PDZRN4: variants seen among roughly 807,000 people sequenced by gnomAD.
The protein encoded by PDZRN4 is PDZ domain-containing RING finger protein 4.
In PDZRN4, 70 loss-of-function variants were observed where a neutral mutation model predicts 99.0. The observed-to-expected ratio is 0.71, with a 90% confidence interval of 0.58 to 0.86. The LOEUF (loss-of-function observed/expected upper bound fraction) is 0.86, where lower values mean the gene tolerates loss of function less well. Ranked by LOEUF, PDZRN4 falls within the 40% of genes least tolerant of loss-of-function variation. The probability of loss-of-function intolerance (pLI) is 0.00; values close to 1 mark genes in which losing one functional copy is unlikely to be tolerated. For synonymous variants in PDZRN4, 551 were observed against 501.6 expected (o/e 1.10, Z -1.32); for missense variants, 1,474 against 1,331.2 (o/e 1.11, Z -1.67).
Position 41,306,131 on chromosome 12 carries a change from G to T in PDZRN4, c.843+111943G>T, listed in dbSNP as rs535887510. Among the ~76,000 whole-genome samples the T allele has an allele frequency of 5.6e-4, 85 of 152,262 alleles. 1 individual carries two copies. The highest frequency in any genetic ancestry group is 1.9e-3 in the African/African-American group (78 of 41,560). The stretch of plus-strand genomic sequence containing the variant: ...TCCTAAGGATTGAGAACAATCATTG[G>T]TTTAATACTCAACCCTCCAGGCCCA... On this transcript the variant is annotated intron_variant, in intron 3 of 9. Transcript: ENST00000402685.
chr12:41,390,117 C>T (rs147038020), intron 3 of PDZRN4, among the ~76,000 whole-genome samples: 30 of 152,010 alleles, frequency 2.0e-4, no homozygotes, highest in African/African-American at 6.8e-4. Context: ...AGTTGAGGGC[C>T]GTGATAATTT....
At chr12:41,217,195 T>C (rs771717613) in intron 3 of PDZRN4, among the ~76,000 whole-genome samples, 6 of 152,072 alleles carry the variant, frequency 3.9e-5, no homozygotes, top group Admixed American at 6.6e-5. Context: ...GCTCCTGAAG[T>C]AGAGGCCAAT....
At chr12:41,219,441 G>C (rs1050856250) in intron 3 of PDZRN4, among the ~76,000 whole-genome samples, 11 of 151,952 alleles carry the variant, frequency 7.2e-5, no homozygotes, top group Admixed American at 7.2e-4. Context: ...GGAGATGAAG[G>C]AGAAAGAATA....
chr12:41,513,173 CA>C (rs1349543825), intron 5 of PDZRN4, among the ~76,000 whole-genome samples: 3 of 152,028 alleles, frequency 2.0e-5, no homozygotes, highest in Non-Finnish European at 4.4e-5. Flanking sequence ...GGACTTTTAA[CA>C]CACATATTAT....
intron 3 of PDZRN4, among the ~76,000 whole-genome samples, chr12:41,505,100 C>T (rs1938182036): frequency 6.6e-6 from 1 of 152,118 alleles, no homozygotes; most frequent in Non-Finnish European, 1.5e-5. Flanking sequence ...CACACATATT[C>T]CTTGTCTACT....
intron 3 of PDZRN4, among the ~76,000 whole-genome samples, chr12:41,248,548 C>T (rs886434534): frequency 2.2e-4 from 34 of 152,066 alleles, no homozygotes; most frequent in Admixed American, 3.3e-4. Context: ...TCAGGAAAGC[C>T]AGTGTGAAAT....
intron 3 of PDZRN4, among the ~76,000 whole-genome samples, chr12:41,398,437 A>G (rs1592043406): frequency 6.6e-6 from 1 of 152,130 alleles, no homozygotes; most frequent in East Asian, 1.9e-4. Flanking sequence ...AAGTGAAGGG[A>G]AAGAAGTAGG....
chr12:41,542,066 A>C (rs1203717667), intron 5 of PDZRN4, among the ~76,000 whole-genome samples: 1 of 152,214 alleles, frequency 6.6e-6, no homozygotes, highest in Non-Finnish European at 1.5e-5. Flanking sequence ...ACAATCATCG[A>C]ATCAGAGACA....
At chr12:41,484,138 G>A (rs941825277) in intron 3 of PDZRN4, among the ~76,000 whole-genome samples, 1 of 152,068 alleles carries the variant, frequency 6.6e-6, no homozygotes, top group Non-Finnish European at 1.5e-5. Context: ...ATCACACAGA[G>A]AACTTATTAG....
At chr12:41,253,450 A>G (rs1314292360) in intron 3 of PDZRN4, among the ~76,000 whole-genome samples, 1 of 152,102 alleles carries the variant, frequency 6.6e-6, no homozygotes, top group Non-Finnish European at 1.5e-5. Flanking sequence ...GAATCATCTC[A>G]CTCCAGTTAA....
intron 5 of PDZRN4, among the ~76,000 whole-genome samples, chr12:41,513,011 T>C (rs1217054030): frequency 6.6e-6 from 1 of 152,060 alleles, no homozygotes; most frequent in Non-Finnish European, 1.5e-5. Context: ...TATGCGGCTA[T>C]TTAGGTGCCT....
At chr12:41,554,891 C>T (rs1939119435) in intron 6 of PDZRN4, among the ~76,000 whole-genome samples, 1 of 151,530 alleles carries the variant, frequency 6.6e-6, no homozygotes, top group Admixed American at 6.6e-5. Context: ...TTAATGTGCC[C>T]ATGAGACATA....
chr12:41,361,513 A>T (rs1304821736), intron 3 of PDZRN4, among the ~76,000 whole-genome samples: 2 of 152,086 alleles, frequency 1.3e-5, no homozygotes, highest in African/African-American at 2.4e-5. Flanking sequence ...TGATTTTATT[A>T]GTGTGGTTGA....
intron 3 of PDZRN4, among the ~76,000 whole-genome samples, chr12:41,250,508 A>G (rs1179145112): frequency 6.6e-6 from 1 of 152,234 alleles, no homozygotes; most frequent in Non-Finnish European, 1.5e-5. Context: ...GTAAGCAATG[A>G]TGCCAGCCTT....
chr12:41,242,197 A>G (rs1377662784), intron 3 of PDZRN4, among the ~76,000 whole-genome samples: 1 of 152,240 alleles, frequency 6.6e-6, no homozygotes, highest in Non-Finnish European at 1.5e-5. Flanking sequence ...TAAAATTTTT[A>G]AATACAAATC....
chr12:41,511,568 T>G (rs1164315715), intron 5 of PDZRN4, among the ~76,000 whole-genome samples: 1 of 152,092 alleles, frequency 6.6e-6, no homozygotes, highest in Non-Finnish European at 1.5e-5. Context: ...AGGAAGGAGT[T>G]GCTATGACAG....
intron 3 of PDZRN4, among the ~76,000 whole-genome samples, chr12:41,457,064 T>C (rs1426124672): frequency 6.6e-6 from 1 of 152,184 alleles, no homozygotes; most frequent in Non-Finnish European, 1.5e-5. Context: ...AGCATCTAAT[T>C]ATACTATAGA....
chr12:41,352,899 A>G (rs1222279489), intron 3 of PDZRN4, among the ~76,000 whole-genome samples: 6 of 152,184 alleles, frequency 3.9e-5, no homozygotes, highest in Non-Finnish European at 8.8e-5. Flanking sequence ...GTGTGACAAT[A>G]TAAATGACAA....
At chr12:41,260,777 T>G (rs1951232908) in intron 3 of PDZRN4, among the ~76,000 whole-genome samples, 1 of 152,130 alleles carries the variant, frequency 6.6e-6, no homozygotes, top group Admixed American at 6.6e-5. Flanking sequence ...ACAATTGAAG[T>G]CATAATTTGG....
Sources: gnomAD v4.1 joint callset for allele counts (sites outside exome capture counted in the v4.1 genomes callset) on GRCh38, gnomAD v4.1.1 for gene constraint, MANE v1.5 for transcripts, NCBI Gene and HGNC (gene_info 2026-07-23, HGNC 2026-07-21) for gene names.